ZPBP: variants seen among roughly 807,000 people sequenced by gnomAD.
The protein encoded by ZPBP is zona pellucida-binding protein 1.
ZPBP carries 26 observed loss-of-function variants against 44.8 expected under a neutral mutation model. The ratio of observed to expected loss-of-function variants is 0.58; its 90% CI spans 0.43 to 0.81. ZPBP has a LOEUF of 0.81. Among genes scored for constraint, ZPBP ranks in the 30% least tolerant of loss-of-function variants. ZPBP has a pLI of 0.00. For missense variants in ZPBP, 409 were observed against 434.0 expected (o/e 0.94, Z 0.51); for synonymous variants, 174 against 153.2 (o/e 1.14, Z -1.00).
chr7:49,981,224 T>C (rs1358857877), intron 7 of ZPBP, among the ~76,000 whole-genome samples: 1 of 125,212 alleles, frequency 8.0e-6, no homozygotes, highest in Non-Finnish European at 1.6e-5. Flanking sequence ...TATATATTTA[T>C]ATACAAATTG....
intron 3 of ZPBP, among the ~76,000 whole-genome samples, chr7:50,075,421 G>A (rs1163676141): frequency 6.6e-6 from 1 of 151,466 alleles, no homozygotes; most frequent in Non-Finnish European, 1.5e-5. Context: ...AAGATCAGAG[G>A]AGAAATAAAT....
rs560450952 is a variant in ZPBP, at chr7:49,941,010, GA to G, written c.962-3389del. Reference sequence around the variant, plus strand: ...AGCAGCCATGTATACAGAGGATTCAGAAAAAAAGCACATGCTCAGGACCAAG... The same window carrying G: ...AGCAGCCATGTATACAGAGGATTCAGAAAAAAGCACATGCTCAGGACCAAG... On this transcript the variant is annotated intron_variant, in intron 7 of 7. Transcript: ENST00000046087. Among the ~76,000 whole-genome samples, 482 of 152,110 alleles carry G rather than the reference GA, an allele frequency of 3.2e-3. 6 individuals carry two copies. The highest frequency in any genetic ancestry group is 0.011 in the African/African-American group (449 of 41,520).
intron 5 of ZPBP, among the ~76,000 whole-genome samples, chr7:50,029,798 G>A (rs534135819): frequency 3.7e-4 from 57 of 152,024 alleles, no homozygotes; most frequent in Non-Finnish European, 7.6e-4. Flanking sequence ...TCTCTTTAAT[G>A]AGTCTAGTAT....
chr7:49,938,053 C>T (rs1794686471), intron 7 of ZPBP, among the ~76,000 whole-genome samples: 1 of 152,128 alleles, frequency 6.6e-6, no homozygotes, highest in South Asian at 2.1e-4. Context: ...ACTTGCCCGC[C>T]ACTCACCTTC....
At chr7:49,977,101 CTAAATAAATAAA>C (rs376730870) in intron 7 of ZPBP, among the ~76,000 whole-genome samples, 5 of 138,506 alleles carry the variant, frequency 3.6e-5, no homozygotes, top group Non-Finnish European at 7.7e-5. Flanking sequence ...GACTCCGTCT[CTAAATAAATAAA>C]TAAATAAATA....
intron 5 of ZPBP, among the ~76,000 whole-genome samples, chr7:50,018,904 G>A (rs944577737): frequency 1.3e-4 from 20 of 151,996 alleles, no homozygotes; most frequent in African/African-American, 4.3e-4. Flanking sequence ...GGATACATAA[G>A]TGAACAAAAT....
chr7:49,935,809 C>T (rs960487170), downstream of ZPBP: 1 of 152,170 alleles, frequency 6.6e-6, no homozygotes, highest in African/African-American at 2.4e-5. Flanking sequence ...AGCTAAAAAT[C>T]CATGATTTGC....
rs1452800334 is a variant in ZPBP, at chr7:49,911,918, T to TACATGCACAC, written n.412-10704_412-10703insGTGTGCATGT. 196 of 223,042 alleles carry TACATGCACAC rather than the reference T, an allele frequency of 8.8e-4. No individual in the cohort carries two copies. In the African/African-American group the frequency reaches 0.012, roughly 13 times the overall value. 13.8% of individuals were successfully genotyped at this position (223,042 alleles called of 1,614,324 possible). ...TCTCAAAAACAAACAAACAAACAAA[T>TACATGCACAC]ACACGCACACACACACACACACACA... On this transcript the variant is annotated intron_variant and non_coding_transcript_variant, in intron 1 of 2. Coordinates refer to the ZPBP transcript ENST00000465922.
intron 3 of ZPBP, among the ~76,000 whole-genome samples, chr7:50,064,255 C>T (rs1265010341): frequency 6.6e-6 from 1 of 152,108 alleles, no homozygotes; most frequent in Non-Finnish European, 1.5e-5. Flanking sequence ...GTGTGGGTGA[C>T]AGACATCAAG....
Position 50,089,652 on chromosome 7 carries a change from AT to A in ZPBP, c.184del (p.Ile62Ter). On this transcript the variant is annotated frameshift_variant, in exon 2 of 8. Coordinates refer to ENST00000046087, the MANE Select transcript of ZPBP (RefSeq NM_007009.3). LOFTEE classifies it high-confidence loss of function. ...AFRLTKDSVK[I>X]VGSTSFPVKA... ...ACCTGGAAAACTTGTTGATCCCACT[AT>A]TTTCACTGAATCTTTGGTCAAGCGA... 6.2e-7 allele frequency: 1 copy of A among 1,610,958 alleles called. No individual in the cohort carries two copies. Among genetic ancestry groups the A allele is most frequent in the Middle Eastern group, 1.8e-4 (1 of 5,574 alleles).
At chr7:50,015,589 A>G (rs767300141) in intron 6 of ZPBP, among the ~76,000 whole-genome samples, 1 of 152,186 alleles carries the variant, frequency 6.6e-6, no homozygotes, top group African/African-American at 2.4e-5. Context: ...GCTTCTGCAC[A>G]GCAAAAGAAA....
intron 2 of ZPBP, among the ~76,000 whole-genome samples, chr7:49,858,830 C>T (rs1389590959): frequency 6.6e-6 from 1 of 152,102 alleles, no homozygotes; most frequent in Non-Finnish European, 1.5e-5. Flanking sequence ...TTATAAAATT[C>T]ATACAGATGG....
At chr7:49,887,878 G>C (rs1791967523) in intron 2 of ZPBP, among the ~76,000 whole-genome samples, 1 of 152,212 alleles carries the variant, frequency 6.6e-6, no homozygotes, top group Non-Finnish European at 1.5e-5. Context: ...CACCAGACTA[G>C]CTGCTGGTTT....
At chr7:49,890,641 A>G (rs994551562) in intron 2 of ZPBP, among the ~76,000 whole-genome samples, 1 of 152,166 alleles carries the variant, frequency 6.6e-6, no homozygotes, top group African/African-American at 2.4e-5. Flanking sequence ...ACTTTTAGCC[A>G]TGATGGAACA....
intron 7 of ZPBP, among the ~76,000 whole-genome samples, chr7:49,938,878 A>G (rs1794731896): frequency 6.6e-6 from 1 of 152,204 alleles, no homozygotes; most frequent in Non-Finnish European, 1.5e-5. Flanking sequence ...TTTAAATTTT[A>G]TATCATTTAC....
chr7:50,044,178 A>T (rs940915040), intron 4 of ZPBP, among the ~76,000 whole-genome samples: 7 of 152,228 alleles, frequency 4.6e-5, no homozygotes, highest in African/African-American at 1.7e-4. Context: ...TTTAGAGGGA[A>T]ATTTATAGCA....
chr7:50,081,966 C>A, intron 2 of ZPBP, 67 bp from the exon 3 acceptor site: 1 of 1,567,596 alleles, frequency 6.4e-7, no homozygotes, highest in Non-Finnish European at 8.7e-7. Context: ...ATAATGTACA[C>A]TTTTGTAGTT....
intron 2 of ZPBP, among the ~76,000 whole-genome samples, chr7:49,855,281 C>T (rs1011748940): frequency 2.0e-5 from 3 of 152,142 alleles, no homozygotes; most frequent in Non-Finnish European, 2.9e-5. Flanking sequence ...AGTTTATGGA[C>T]GGTGTAGTCT....
Position 50,035,831 on chromosome 7 carries a change from TAAAG to T in ZPBP, c.488-4525_488-4522del, listed in dbSNP as rs535081599. Among the ~76,000 whole-genome samples the T allele has an allele frequency of 6.2e-3, 944 of 151,916 alleles. 9 individuals carry two copies. The highest frequency in any genetic ancestry group is 0.034 in the Middle Eastern group (10 of 294). On this transcript the variant is annotated intron_variant, in intron 4 of 7. Transcript: ENST00000046087. ...GTAAAAATGTAAACCCTCAAAATGTTAAAGAGAGGAATAAATTAAGAACAGGAAA... is the reference window on the plus strand; with the variant it reads ...GTAAAAATGTAAACCCTCAAAATGTTAGAGGAATAAATTAAGAACAGGAAA...
Sources: gnomAD v4.1 joint callset for allele counts (sites outside exome capture counted in the v4.1 genomes callset) on GRCh38, gnomAD v4.1.1 for gene constraint, MANE v1.5 for transcripts, NCBI Gene and HGNC (gene_info 2026-07-23, HGNC 2026-07-21) for gene names.